The following UTRN variants were observed in gnomAD, a reference collection of about 807,000 sequenced individuals.
UTRN encodes the protein dystrophin-related protein 1.
UTRN carries 283 observed loss-of-function variants against 463.9 expected under a neutral mutation model. The observed-to-expected ratio is 0.61, with a 90% CI of 0.55 to 0.67. The LOEUF (loss-of-function observed/expected upper bound fraction) is 0.67. UTRN is among the 30% of genes least tolerant of loss of function. The pLI is 0.00. For missense variants in UTRN, 3,922 were observed against 4,084.3 expected, an observed-to-expected ratio of 0.96 and a Z score of 1.08; for synonymous variants, 1,442 against 1,431.5, an observed-to-expected ratio of 1.01 and a Z score of -0.17.
At chr6:144,708,491 C>T (rs151282567) in intron 53 of UTRN, 18 of 503,540 alleles carry the variant, frequency 3.6e-5, no homozygotes, top group African/African-American at 3.5e-4. Context: ...CTGAGTTCTT[C>T]TAGGATCTAA....
In UTRN at chr6:144,482,358, T is replaced by C. The variant is rs776019962; in HGVS notation, c.3657T>C (p.Asn1219=). 1.3e-6 allele frequency: 2 copies of C among 1,598,034 alleles called. No individual in the cohort carries two copies. The highest frequency in any genetic ancestry group is 1.7e-6 in the Non-Finnish European group (2 of 1,175,820). The change falls in exon 27 of 75, where the codon AAT becomes AAC. Residue 1219 remains asparagine, a synonymous_variant. Transcript: ENST00000367545. ...VVLENYQLLC[N]RIRGKCHTLE... is the part of the protein sequence containing the mutation. ...TGGAGAATTACCAACTTCTTTGTAATAGAATTCGAGGAAAGTGCCACACGC... is the reference window on the plus strand; with the variant it reads ...TGGAGAATTACCAACTTCTTTGTAACAGAATTCGAGGAAAGTGCCACACGC...
intron 14 of UTRN, 119 bp from the exon 15 acceptor site, chr6:144,447,092 T>A: frequency 1.2e-6 from 1 of 844,814 alleles, no homozygotes; most frequent in East Asian, 2.7e-5. Context: ...GAAGGCCTTC[T>A]TATCCCCATG....
At chr6:144,812,418 G>A (rs149166030) in intron 65 of UTRN, among the ~76,000 whole-genome samples, 26 of 152,220 alleles carry the variant, frequency 1.7e-4, no homozygotes, top group Admixed American at 1.6e-3. Context: ...GCTGCTTCTT[G>A]TGATACATAT....
intron 48 of UTRN, among the ~76,000 whole-genome samples, chr6:144,552,131 A>G (rs1585235105): frequency 1.3e-5 from 2 of 152,248 alleles, no homozygotes; most frequent in East Asian, 3.8e-4. Flanking sequence ...TATTTGTGAC[A>G]AAATATAAAC....
chr6:144,494,773 AT>A (rs1340027967), intron 33 of UTRN, among the ~76,000 whole-genome samples: 1 of 152,168 alleles, frequency 6.6e-6, no homozygotes, highest in African/African-American at 2.4e-5. Flanking sequence ...TGATTGGTGC[AT>A]TCACAAACCC....
chr6:144,544,952 A>G (rs1449220173), intron 46 of UTRN, among the ~76,000 whole-genome samples: 1 of 152,056 alleles, frequency 6.6e-6, no homozygotes, highest in Non-Finnish European at 1.5e-5. Flanking sequence ...CTACTCATTT[A>G]AACTGATGTA....
At chr6:144,338,671 C>T (rs965112100) in intron 2 of UTRN, among the ~76,000 whole-genome samples, 1 of 152,024 alleles carries the variant, frequency 6.6e-6, no homozygotes, top group Non-Finnish European at 1.5e-5. Context: ...GAGAAGAGCC[C>T]CTAGAGGCCC....
chr6:144,477,170 A>G lies in UTRN; in HGVS notation c.3336+2411A>G, dbSNP rs1791305231. 6.6e-5 allele frequency among the ~76,000 whole-genome samples: 10 copies of G among 152,320 alleles called. 1 individual carries two copies. The South Asian group carries it at 1.9e-3, about 28-fold the overall frequency. Reference sequence around the variant, plus strand: ...TATGGGAACAGTAGAACTGGGAGGTATTCTTTCCCAATTGCTTTGATTTTT... The same window carrying G: ...TATGGGAACAGTAGAACTGGGAGGTGTTCTTTCCCAATTGCTTTGATTTTT... On this transcript the variant is annotated intron_variant, in intron 25 of 74. Transcript: ENST00000367545.
chr6:144,789,690 CA>C (rs1439943824), intron 62 of UTRN, among the ~76,000 whole-genome samples: 1 of 152,090 alleles, frequency 6.6e-6, no homozygotes, highest in African/African-American at 2.4e-5. Context: ...TTTCTGACTC[CA>C]AAGCCTAAAC....
chr6:144,493,421 TC>T lies in UTRN; in HGVS notation c.4561del (p.Leu1521Ter). ...NPKGMDEQLT[S>X]LKVLYNDLGA... ...AAAAGGGATGGATGAGCAGCTGACT[TC>T]CCTGAAGGTTCTTTACAATGACCTG... On this transcript the variant is annotated frameshift_variant, in exon 33 of 75. Coordinates refer to ENST00000367545, the MANE Select transcript of UTRN (RefSeq NM_007124.3). LOFTEE classifies it high-confidence loss of function. 1 of 1,614,004 alleles carries T rather than the reference TC, an allele frequency of 6.2e-7. No homozygotes were observed. The highest frequency in any genetic ancestry group is 8.5e-7 in the Non-Finnish European group (1 of 1,179,920).
chr6:144,395,244 A>G (rs1782293751), intron 2 of UTRN, among the ~76,000 whole-genome samples: 1 of 152,108 alleles, frequency 6.6e-6, no homozygotes, highest in Admixed American at 6.6e-5. Flanking sequence ...TCCTTGTTCT[A>G]TGACATTTCT....
intron 26 of UTRN, among the ~76,000 whole-genome samples, chr6:144,481,091 G>C (rs562006489): frequency 6.6e-6 from 1 of 152,202 alleles, no homozygotes; most frequent in South Asian, 2.1e-4. Context: ...CTATAGATGA[G>C]ATTTGAGAAA....
intron 51 of UTRN, among the ~76,000 whole-genome samples, chr6:144,660,765 A>G (rs1779794565): frequency 6.6e-6 from 1 of 152,170 alleles, no homozygotes; most frequent in Non-Finnish European, 1.5e-5. Flanking sequence ...GTCGCTTCAC[A>G]GTGACAGTGG....
chr6:144,424,447 A>G (rs1267895850), intron 6 of UTRN, among the ~76,000 whole-genome samples: 2 of 152,162 alleles, frequency 1.3e-5, no homozygotes, highest in Non-Finnish European at 1.5e-5. Flanking sequence ...TAGGGCCCAC[A>G]TTACTCCTGT....
chr6:144,473,888 A>T, intron 24 of UTRN, 55 bp downstream of exon 24: 1 of 1,282,612 alleles, frequency 7.8e-7, no homozygotes, highest in East Asian at 2.4e-5. Context: ...TTCTTTTTCT[A>T]TGTTATTTGC....
In UTRN at chr6:144,730,426, T is replaced by A; in HGVS notation, c.7879T>A (p.Leu2627Met). 6.2e-7 allele frequency: 1 copy of A among 1,611,840 alleles called. No homozygotes were observed. The highest frequency in any genetic ancestry group is 1.1e-5 in the South Asian group (1 of 90,836). ...TGCTGTCGACCAGGCCCGAGTTTTC[T>A]TGGCTGATCAGCCAATTGAGGCCCC... ...LNAVDQARVF[L>M]ADQPIEAPEE... The change falls in exon 54 of 75, where the codon TTG (leucine) becomes ATG (methionine). Residue 2627 changes from leucine (L) to methionine (M), a missense_variant. Physicochemically the swap from Leu to Met is conservative, Grantham distance 15. Coordinates refer to ENST00000367545, the MANE Select transcript of UTRN (RefSeq NM_007124.3).
intron 52 of UTRN, among the ~76,000 whole-genome samples, chr6:144,682,903 CTTTG>C (rs984498426): frequency 3.3e-5 from 5 of 152,188 alleles, no homozygotes; most frequent in Admixed American, 2.6e-4. Flanking sequence ...TTGATTACCT[CTTTG>C]TTTGGCACTA....
chr6:144,441,673 C>A (rs955774610), intron 13 of UTRN, among the ~76,000 whole-genome samples: 2 of 152,314 alleles, frequency 1.3e-5, no homozygotes, highest in Non-Finnish European at 2.9e-5. Flanking sequence ...TAGGTGGTGC[C>A]ACAGTAGGGA....
chr6:144,492,349 T>A (rs1201677290), intron 32 of UTRN, among the ~76,000 whole-genome samples: 1 of 152,230 alleles, frequency 6.6e-6, no homozygotes, highest in Non-Finnish European at 1.5e-5. Context: ...GCAAAGGACA[T>A]GATTTCATTT....
Sources: gnomAD v4.1 joint callset for allele counts (sites outside exome capture counted in the v4.1 genomes callset) on GRCh38, gnomAD v4.1.1 for gene constraint, MANE v1.5 for transcripts, NCBI Gene and HGNC (gene_info 2026-07-23, HGNC 2026-07-21) for gene names.